Variants in DGKG observed in about 807,000 individuals in gnomAD.
DGKG encodes diacylglycerol kinase gamma, also known as DAG kinase gamma.
Under a neutral mutation model 105.3 loss-of-function variants are expected in DGKG, and 78 were observed. The observed-to-expected ratio is 0.74, with a 90% CI of 0.62 to 0.89. The LOEUF is 0.89. Ranked by LOEUF, DGKG falls within the 40% of genes least tolerant of loss-of-function variation. The pLI, the probability that DGKG is intolerant of heterozygous loss-of-function variation, is 0.00. For synonymous variants in DGKG, 346 were observed against 367.1 expected (o/e 0.94, Z 0.66); for missense variants, 958 against 1,020.1 (o/e 0.94, Z 0.83).
intron 20 of DGKG, among the ~76,000 whole-genome samples, chr3:186,242,033 C>T (rs1720710966): frequency 6.6e-6 from 1 of 152,158 alleles, no homozygotes; most frequent in Non-Finnish European, 1.5e-5. Flanking sequence ...AGGAGACACC[C>T]TTCTGGTCCT....
chr3:186,296,530 C>T (rs1723570784), intron 5 of DGKG, among the ~76,000 whole-genome samples: 1 of 152,244 alleles, frequency 6.6e-6, no homozygotes, highest in South Asian at 2.1e-4. Flanking sequence ...GGAATGGCTT[C>T]CCATTGATAA....
chr3:186,201,445 T>C (rs992612925), intron 21 of DGKG, among the ~76,000 whole-genome samples: 1 of 152,214 alleles, frequency 6.6e-6, no homozygotes, highest in African/African-American at 2.4e-5. Flanking sequence ...ACATGAGCTC[T>C]GCCCACTCAC....
intron 2 of DGKG, among the ~76,000 whole-genome samples, chr3:186,315,394 C>G (rs958839420): frequency 1.3e-5 from 2 of 152,162 alleles, no homozygotes; most frequent in East Asian, 3.9e-4. Context: ...TTTCCCTTCC[C>G]TTCTCCAACA....
intron 21 of DGKG, among the ~76,000 whole-genome samples, chr3:186,204,742 C>T (rs1273539401): frequency 6.6e-6 from 1 of 152,040 alleles, no homozygotes; most frequent in Non-Finnish European, 1.5e-5. Context: ...TTGCATTGCA[C>T]CTCTATGCTC....
intron 19 of DGKG, among the ~76,000 whole-genome samples, chr3:186,251,459 C>T (rs181519839): frequency 9.1e-4 from 138 of 152,278 alleles, no homozygotes; most frequent in African/African-American, 2.6e-3. Flanking sequence ...TGCTTTTCTA[C>T]GACTGCTACA....
intron 2 of DGKG, among the ~76,000 whole-genome samples, chr3:186,307,683 G>A (rs369326702): frequency 8.5e-5 from 13 of 152,282 alleles, no homozygotes; most frequent in East Asian, 7.7e-4. Context: ...GGTCTGACGT[G>A]TAACTAGGGC....
intron 1 of DGKG, among the ~76,000 whole-genome samples, chr3:186,322,434 G>C (rs1725123739): frequency 1.3e-5 from 2 of 152,162 alleles, no homozygotes; most frequent in Non-Finnish European, 2.9e-5. Flanking sequence ...TGAAGGTGGA[G>C]GATGGGAGGA....
intron 22 of DGKG, 88 bp downstream of exon 22, chr3:186,188,114 T>C: frequency 6.9e-7 from 1 of 1,458,476 alleles, no homozygotes; most frequent in Non-Finnish European, 9.5e-7. Flanking sequence ...TGCTGGGCTG[T>C]GGGGCCTTAC....
rs1187692076 is a variant in DGKG, at chr3:186,226,308, T to C, written c.1827-14423A>G. ...CCATCAGCTGTTAACCATTTCATTT[T>C]TCTTTAGTGCAATTTTTACCAGTTG... On this transcript the variant is annotated intron_variant, in intron 20 of 24. Coordinates refer to ENST00000265022, the MANE Select transcript of DGKG (RefSeq NM_001346.3). The surrounding 1 kb of genome is among the most constrained non-coding windows in gnomAD (Gnocchi z 4.2). Among the ~76,000 whole-genome samples, 1 of 152,254 alleles carries C rather than the reference T, an allele frequency of 6.6e-6. No individual in the cohort carries two copies. Among genetic ancestry groups the C allele is most frequent in the African/African-American group, 2.4e-5 (1 of 41,468 alleles).
intron 1 of DGKG, among the ~76,000 whole-genome samples, chr3:186,342,108 T>C (rs937250519): frequency 1.3e-5 from 2 of 152,128 alleles, no homozygotes; most frequent in Admixed American, 6.5e-5. Flanking sequence ...ATGGCACATG[T>C]ATACGTATGT....
chr3:186,328,363 G>A (rs895796518), intron 1 of DGKG, among the ~76,000 whole-genome samples: 2 of 152,158 alleles, frequency 1.3e-5, no homozygotes, highest in Non-Finnish European at 2.9e-5. Context: ...GTGCAGATAT[G>A]TCCAGAGATT....
rs68014632 is a variant in DGKG, at chr3:186,265,657, C to CTTTTTTTTTTT, written c.1210-362_1210-352dup. Among the ~76,000 whole-genome samples, 82 of 77,390 alleles carry CTTTTTTTTTTT rather than the reference C, an allele frequency of 1.1e-3. 3 individuals are homozygous for CTTTTTTTTTTT. The highest frequency in any genetic ancestry group is 3.3e-3 in the African/African-American group (64 of 19,582). 50.8% of individuals were successfully genotyped at this position (77,390 alleles called of 152,430 possible). A position where few individuals can be genotyped will look rare whatever the true frequency, so the allele number is the denominator to read the frequency against. Reference sequence around the variant, plus strand: ...TTGGCGACTTGGCTTTTCTTCCTTTCTTTTTTTTTTTTTTTTTTTTTTTTG... The same window carrying CTTTTTTTTTTT: ...TTGGCGACTTGGCTTTTCTTCCTTTCTTTTTTTTTTTTTTTTTTTTTTTTTTTTTTTTTTTG... On this transcript the variant is annotated intron_variant, in intron 13 of 24. Coordinates refer to ENST00000265022, the MANE Select transcript of DGKG (RefSeq NM_001346.3).
chr3:186,346,351 C>T (rs1251552222), intron 1 of DGKG, among the ~76,000 whole-genome samples: 4 of 152,202 alleles, frequency 2.6e-5, no homozygotes, highest in Non-Finnish European at 4.4e-5. Context: ...AGACCATGCC[C>T]TCTAGTGCCC....
intron 7 of DGKG, chr3:186,280,975 C>A (rs570852812): frequency 4.2e-6 from 2 of 472,732 alleles, no homozygotes; most frequent in Non-Finnish European, 7.7e-6. Flanking sequence ...AGCTCATAAA[C>A]ACTGACTTCC....
At chr3:186,181,592 G>A (rs1219730707) in intron 22 of DGKG, among the ~76,000 whole-genome samples, 1 of 152,168 alleles carries the variant, frequency 6.6e-6, no homozygotes, top group African/African-American at 2.4e-5. Context: ...AATTAGCCAG[G>A]CACAGTGGCA....
chr3:186,161,677 C>A lies in DGKG; in HGVS notation c.2217-14G>T. The A allele has an allele frequency of 6.2e-7, 1 of 1,614,188 alleles. No individual in the cohort carries two copies. Among genetic ancestry groups the A allele is most frequent in the Non-Finnish European group, 8.5e-7 (1 of 1,180,020 alleles). ...AGCTTGTTTGTCCTGGAACCCAGAA[C>A]ACCAAGAGAACACAGTGAGCTTTTT... On this transcript the variant is annotated splice_polypyrimidine_tract_variant and intron_variant, in intron 23 of 24. Transcript: ENST00000265022.
Position 186,156,786 on chromosome 3 carries a change from G to C in DGKG, c.2277+4817C>G, listed in dbSNP as rs555700374. Among the ~76,000 whole-genome samples the C allele has an allele frequency of 2.6e-5, 4 of 150,972 alleles. No homozygotes were observed. The East Asian group carries it at 5.8e-4, about 22-fold the overall frequency. ...ATTTTAAGCTTTAATTATATCCTTT[G>C]AATTGATTATTGCTGGTATACTATT... On this transcript the variant is annotated intron_variant, in intron 24 of 24. Transcript: ENST00000265022.
Position 186,265,232 on chromosome 3 carries a change from G to C in DGKG, c.1269+15C>G, listed in dbSNP as rs1478539730. 1.2e-6 allele frequency: 2 copies of C among 1,613,162 alleles called. No homozygotes were observed. The highest frequency in any genetic ancestry group is 1.1e-5 in the South Asian group (1 of 91,060). On this transcript the variant is annotated intron_variant, in intron 14 of 24. Transcript: ENST00000265022. ...AACTTAGAAGGTGCAATCGGATTTA[G>C]AGCTCATGAGGTACCTGCATGACAA...
In DGKG at chr3:186,313,493, G is replaced by A. The variant is rs1724659576; in HGVS notation, c.68-6516C>T. On this transcript the variant is annotated intron_variant, in intron 2 of 24. Transcript: ENST00000265022. ...TCTCACCTTTTCTCCAAATAATTTG[G>A]CTTCATCAGTCGTATTTCAAGTGAA... The A allele has an allele frequency of 1.1e-5, 11 of 984,992 alleles. No homozygotes were observed. The South Asian group carries it at 5.2e-4, about 46-fold the overall frequency. 61.0% of individuals were successfully genotyped at this position (984,992 alleles called of 1,614,324 possible). A position where few individuals can be genotyped will look rare whatever the true frequency, so the allele number is the denominator to read the frequency against.
Sources: gnomAD v4.1 joint callset for allele counts (sites outside exome capture counted in the v4.1 genomes callset) on GRCh38, gnomAD v4.1.1 for gene constraint, Gnocchi (gnomAD v3.1) non-coding constraint, MANE v1.5 for transcripts, NCBI Gene and HGNC (gene_info 2026-07-23, HGNC 2026-07-21) for gene names.